The following MARS1 variants were observed in gnomAD, a reference collection of about 807,000 sequenced individuals.
The protein encoded by MARS1 is methionine--tRNA ligase, cytoplasmic.
Under a neutral mutation model 119.5 loss-of-function variants are expected in MARS1, and 80 were observed. The ratio of observed to expected loss-of-function variants is 0.67; its 90% CI spans 0.56 to 0.81. The LOEUF (loss-of-function observed/expected upper bound fraction) is 0.81. Ranked by LOEUF, MARS1 falls within the 30% of genes least tolerant of loss-of-function variation. The probability of loss-of-function intolerance (pLI) is 0.00; values close to 1 mark genes in which losing one functional copy is unlikely to be tolerated. For missense variants in MARS1, 945 were observed against 1,116.5 expected (o/e 0.85, Z 2.19); for synonymous variants, 418 against 433.4 (o/e 0.96, Z 0.44).
Position 57,516,456 on chromosome 12 carries a change from A to G in MARS1, c.2578A>G (p.Lys860Glu). 1 of 1,613,340 alleles carries G rather than the reference A, an allele frequency of 6.2e-7. No homozygotes were observed. The highest frequency in any genetic ancestry group is 8.5e-7 in the Non-Finnish European group (1 of 1,179,766). Reference sequence around the variant, plus strand: ...TTAGGGAAACATTGTCCGAGAACTGAAAGCACAAAAGGCAGACAAGAACGA... The same window carrying G: ...TTAGGGAAACATTGTCCGAGAACTGGAAGCACAAAAGGCAGACAAGAACGA... ...TKQGNIVREL[K>E]AQKADKNEVA... The change falls in exon 21 of 21, where the codon AAA becomes GAA. Residue 860 changes from lysine to glutamate, a missense_variant. Physicochemically the swap from Lys to Glu is moderately conservative, Grantham distance 56. Transcript: ENST00000262027.
Position 57,516,590 on chromosome 12 carries a change from G to T in MARS1, c.*9G>T, listed in dbSNP as rs1485047528. The T allele has an allele frequency of 1.3e-6, 2 of 1,563,628 alleles. No individual in the cohort carries two copies. Among genetic ancestry groups the T allele is most frequent in the Non-Finnish European group, 1.7e-6 (2 of 1,161,972 alleles). On this transcript the variant is annotated 3_prime_UTR_variant, in exon 21 of 21. Coordinates refer to ENST00000262027, the MANE Select transcript of MARS1 (RefSeq NM_004990.4). ...GCAAGAAGAAAAAGTAAAAGACCTTGGCTCATAGAAAGTCACTTTAATAGA... is the reference window on the plus strand; with the variant it reads ...GCAAGAAGAAAAAGTAAAAGACCTTTGCTCATAGAAAGTCACTTTAATAGA...
At chr12:57,510,266 G>A (rs367584793) in intron 11 of MARS1, among the ~76,000 whole-genome samples, 1 of 152,174 alleles carries the variant, frequency 6.6e-6, no homozygotes, top group African/African-American at 2.4e-5. Context: ...GAGGTCAATA[G>A]ACCGAGACCA....
chr12:57,514,108 TG>T (rs1277696085), intron 15 of MARS1, among the ~76,000 whole-genome samples: 2 of 151,126 alleles, frequency 1.3e-5, no homozygotes, highest in East Asian at 3.9e-4. Flanking sequence ...CTAGAGTGTT[TG>T]TTTGATAGCA....
intron 9 of MARS1, 41 bp downstream of exon 9, chr12:57,498,664 T>G: frequency 6.3e-7 from 1 of 1,583,734 alleles, no homozygotes; most frequent in Non-Finnish European, 8.7e-7. Flanking sequence ...GCTTGAAGGC[T>G]GAGACTGGGA....
At chr12:57,516,078 CTT>C (rs1275238058) in intron 19 of MARS1, 87 bp downstream of exon 19, 1 of 1,461,652 alleles carries the variant, frequency 6.8e-7, no homozygotes, top group East Asian at 2.3e-5. Flanking sequence ...ACCCATCACT[CTT>C]TCCATCTTTT....
At chr12:57,493,326 ATATATAATATATGT>A (rs1441782842) in intron 7 of MARS1, among the ~76,000 whole-genome samples, 4 of 102,284 alleles carry the variant, frequency 3.9e-5, no homozygotes, top group Admixed American at 1.6e-4. Context: ...ATAATATATT[ATATATAATATATGT>A]TATATAATAT....
Position 57,514,729 on chromosome 12 carries a change from G to A in MARS1, c.1977G>A (p.Met659Ile). 2 of 1,614,108 alleles carry A rather than the reference G, an allele frequency of 1.2e-6. No individual in the cohort carries two copies. The highest frequency in any genetic ancestry group is 1.7e-5 in the Admixed American group (1 of 60,022). ...CCTACTCCCAACCAAGAGCTGGGAT[G>A]TTTGTGTCTAAGTTCTTTGGGGGCT... ...NLGNFINRAG[M>I]FVSKFFGGYV... is the part of the protein sequence containing the mutation. The change falls in exon 16 of 21, where the codon ATG (methionine) becomes ATA (isoleucine). Residue 659 changes from methionine (M) to isoleucine (I), a missense_variant. By Grantham distance (10) the Met-to-Ile change is conservative (BLOSUM62 1). Coordinates refer to ENST00000262027, the MANE Select transcript of MARS1 (RefSeq NM_004990.4).
chr12:57,513,938 C>T (rs1877645201), intron 15 of MARS1, among the ~76,000 whole-genome samples: 1 of 151,194 alleles, frequency 6.6e-6, no homozygotes, highest in South Asian at 2.1e-4. Context: ...TGGCGCACAT[C>T]TGTAATCCCA....
intron 15 of MARS1, among the ~76,000 whole-genome samples, chr12:57,514,495 G>T (rs1877677609): frequency 6.6e-6 from 1 of 152,266 alleles, no homozygotes; most frequent in East Asian, 1.9e-4. Flanking sequence ...AGGTACAGTT[G>T]TTTAACTTAA....
intron 5 of MARS1, 105 bp from the exon 6 acceptor site, chr12:57,490,102 A>G: frequency 2.1e-6 from 3 of 1,463,258 alleles, no homozygotes; most frequent in Admixed American, 1.8e-5. Flanking sequence ...GGTTGAGGGA[A>G]CTGGGGAAAG....
chr12:57,491,338 C>T (rs773432919), intron 7 of MARS1, among the ~76,000 whole-genome samples: 3 of 152,170 alleles, frequency 2.0e-5, no homozygotes, highest in Non-Finnish European at 2.9e-5. Context: ...AACCTGTTAC[C>T]TTTCCTGCTA....
rs1875583589 is a variant in MARS1 at position 57,488,128 on chromosome 12, T to C, written c.38T>C (p.Leu13Ser). 2 of 1,614,138 alleles carry C rather than the reference T, an allele frequency of 1.2e-6. No individual in the cohort carries two copies. The highest frequency in any genetic ancestry group is 1.7e-6 in the Non-Finnish European group (2 of 1,180,018). ...LFVSDGVPGC[L>S]PVLAAAGRAR... ...GTGAGTGATGGCGTCCCGGGTTGCT[T>C]GCCGGTGCTGGCCGCCGCCGGGAGA... The change falls in exon 1 of 21, where the codon TTG becomes TCG. Residue 13 changes from leucine to serine, a missense_variant. Coordinates refer to ENST00000262027, the MANE Select transcript of MARS1 (RefSeq NM_004990.4).
chr12:57,504,695 A>ATTTT (rs34351056), intron 11 of MARS1, among the ~76,000 whole-genome samples: 51 of 83,568 alleles, frequency 6.1e-4, no homozygotes, highest in South Asian at 1.4e-3. Context: ...TGCCTGACTG[A>ATTTT]TTTTTTTTTT....
intron 1 of MARS1, 41 bp from the exon 2 acceptor site, chr12:57,488,978 T>C: frequency 7.0e-7 from 1 of 1,434,650 alleles, no homozygotes; most frequent in Non-Finnish European, 9.8e-7. Flanking sequence ...TTCTTTTCTT[T>C]TCCTTTTTTT....
chr12:57,513,011 C>T (rs1877600665), intron 15 of MARS1, 47 bp downstream of exon 15: 1 of 1,480,520 alleles, frequency 6.8e-7, no homozygotes, highest in Non-Finnish European at 9.4e-7. Flanking sequence ...TGGGGTGGGG[C>T]TCATTTTCCC....
chr12:57,499,521 A>G (rs374497828), intron 9 of MARS1, among the ~76,000 whole-genome samples: 55 of 149,372 alleles, frequency 3.7e-4, no homozygotes, highest in African/African-American at 1.3e-3. Context: ...GGAGAATGGC[A>G]TGAACCCGGG....
chr12:57,500,330 G>C lies in MARS1; in HGVS notation c.1101G>C (p.Gln367His), dbSNP rs151250438. The change falls in exon 10 of 21, where the codon CAG becomes CAC. Residue 367 changes from glutamine (Q) to histidine (H), a missense_variant. Coordinates refer to ENST00000262027, the MANE Select transcript of MARS1 (RefSeq NM_004990.4). ...TTTPQQTKIT[Q>H]DIFQQLLKRG... ...TGGCCCACCTCACCAGAATCACCCA[G>C]GACATTTTCCAGCAGTTGCTGAAAC... is the stretch of plus-strand genomic sequence containing the variant. The C allele has an allele frequency of 9.9e-6, 16 of 1,614,018 alleles. No homozygotes were observed. The highest frequency in any genetic ancestry group is 2.7e-5 in the African/African-American group (2 of 74,946).
intron 11 of MARS1, among the ~76,000 whole-genome samples, chr12:57,506,541 G>A (rs1455204225): frequency 6.6e-6 from 1 of 152,228 alleles, no homozygotes; most frequent in Non-Finnish European, 1.5e-5. Context: ...ATGACATTGT[G>A]TCCTTTTCAG....
Position 57,504,285 on chromosome 12 carries a change from C to G in MARS1, c.1354C>G (p.Leu452Val), listed in dbSNP as rs1289192785. Residue 452 changes from leucine to valine, a missense_variant, in exon 11 of 21, where the codon CTG becomes GTG. By Grantham distance (32) the Leu-to-Val change is conservative (BLOSUM62 1). Coordinates refer to ENST00000262027, the MANE Select transcript of MARS1 (RefSeq NM_004990.4). ...GGTGCAGTCGAGCCAGCACCTGTTT[C>G]TGGACCTGCCTAAGGTAAGTGAGCT... Reference protein sequence around the residue: ...PVVQSSQHLFLDLPKLEKRLE... With the variant: ...PVVQSSQHLFVDLPKLEKRLE... The G allele has an allele frequency of 7.4e-6, 12 of 1,614,014 alleles. No individual in the cohort carries two copies. The highest frequency in any genetic ancestry group is 1.3e-5 in the African/African-American group (1 of 74,940).
Sources: gnomAD v4.1 joint callset for allele counts (sites outside exome capture counted in the v4.1 genomes callset) on GRCh38, gnomAD v4.1.1 for gene constraint, MANE v1.5 for transcripts, NCBI Gene and HGNC (gene_info 2026-07-23, HGNC 2026-07-21) for gene names.